Variants in GPHN observed in about 807,000 individuals in gnomAD.
The protein encoded by GPHN is gephyrin.
A neutral mutation model predicts 95.5 loss-of-function variants in GPHN; 17 were observed. The ratio of observed to expected loss-of-function variants is 0.18; its 90% CI spans 0.12 to 0.27. GPHN has a LOEUF of 0.27. GPHN is among the 10% of genes least tolerant of loss of function. The pLI is 1.00. For synonymous variants in GPHN, 320 were observed against 322.5 expected, an observed-to-expected ratio of 0.99 and a Z score of 0.08; for missense variants, 660 against 978.1, an observed-to-expected ratio of 0.67 and a Z score of 4.34.
the GPHN span, chr14:67,557,438 G>A: frequency 1.2e-5 from 19 of 1,609,080 alleles, no homozygotes; most frequent in South Asian, 2.0e-4. Flanking sequence ...CATGCGCAAG[G>A]GAGCACCATG....
the GPHN span, among the ~76,000 whole-genome samples, chr14:67,504,629 G>A: frequency 6.6e-6 from 1 of 152,178 alleles, no homozygotes; most frequent in Non-Finnish European, 1.5e-5. Context: ...GCTCACACCT[G>A]TAATCCCAGC....
At chr14:67,106,386 G>C (rs1222774921) in intron 13 of GPHN, among the ~76,000 whole-genome samples, 1 of 152,066 alleles carries the variant, frequency 6.6e-6, no homozygotes, top group Non-Finnish European at 1.5e-5. Context: ...TATTAAATAA[G>C]TTTCTTATGC....
chr14:67,246,985 A>G, the GPHN span, among the ~76,000 whole-genome samples: 1 of 152,166 alleles, frequency 6.6e-6, no homozygotes, highest in African/African-American at 2.4e-5. Flanking sequence ...ACATTAGGTA[A>G]TGTGACTCTT....
the GPHN span, among the ~76,000 whole-genome samples, chr14:67,563,284 G>A: frequency 1.3e-5 from 2 of 152,230 alleles, no homozygotes; most frequent in Non-Finnish European, 2.9e-5. Flanking sequence ...CTGAACCTCT[G>A]TGCCTCAGCT....
chr14:66,673,688 C>T (rs142503165), intron 1 of GPHN, among the ~76,000 whole-genome samples: 26 of 152,248 alleles, frequency 1.7e-4, no homozygotes, highest in African/African-American at 4.3e-4. Flanking sequence ...TCTTCTCTAA[C>T]GCACTTTATT....
intron 10 of GPHN, among the ~76,000 whole-genome samples, chr14:67,042,072 T>C (rs1242753133): frequency 6.6e-6 from 1 of 152,052 alleles, no homozygotes; most frequent in African/African-American, 2.4e-5. Context: ...TTTTTTTTTT[T>C]CTTGTAAATT....
chr14:67,152,975 AG>A (rs1567414914), intron 18 of GPHN, among the ~76,000 whole-genome samples: 3 of 151,132 alleles, frequency 2.0e-5, no homozygotes, highest in Admixed American at 1.3e-4. Flanking sequence ...AAAAAAAAAA[AG>A]GTTCACTGTC....
At chr14:67,132,252 C>T (rs1362087803) in intron 17 of GPHN, among the ~76,000 whole-genome samples, 1 of 152,202 alleles carries the variant, frequency 6.6e-6, no homozygotes, top group East Asian at 1.9e-4. Context: ...TGCCTTACAA[C>T]TTCCAATTTG....
the GPHN span, among the ~76,000 whole-genome samples, chr14:67,604,878 C>G: frequency 3.1e-4 from 47 of 152,226 alleles, no homozygotes; most frequent in Non-Finnish European, 4.6e-4. Context: ...ACCCTTCCCC[C>G]CTAATTGAGA....
At chr14:67,111,471 A>C (rs1293427784) in intron 14 of GPHN, among the ~76,000 whole-genome samples, 1 of 152,202 alleles carries the variant, frequency 6.6e-6, no homozygotes, top group Non-Finnish European at 1.5e-5. Flanking sequence ...CCCATGATTC[A>C]TGGGAAAAGA....
intron 1 of GPHN, among the ~76,000 whole-genome samples, chr14:66,591,768 C>G (rs2061659322): frequency 6.6e-6 from 1 of 152,196 alleles, no homozygotes; most frequent in African/African-American, 2.4e-5. Flanking sequence ...CCCAATCAAG[C>G]TACCATTAAC....
At chr14:66,985,379 AGCCAAAT>A (rs1434323172) in intron 9 of GPHN, among the ~76,000 whole-genome samples, 1 of 152,184 alleles carries the variant, frequency 6.6e-6, no homozygotes, top group Non-Finnish European at 1.5e-5. Context: ...GTTTTTTGTA[AGCCAAAT>A]GCAAATGTAA....
At chr14:66,761,745 C>T (rs1377092526) in intron 2 of GPHN, among the ~76,000 whole-genome samples, 3 of 151,634 alleles carry the variant, frequency 2.0e-5, no homozygotes, top group East Asian at 1.9e-4. Context: ...CTGCAAGCTC[C>T]GCCTCCTGGG....
the GPHN span, among the ~76,000 whole-genome samples, chr14:67,416,354 A>G: frequency 6.6e-6 from 1 of 152,178 alleles, no homozygotes; most frequent in Non-Finnish European, 1.5e-5. Context: ...CTCAGAACTG[A>G]GAAGTTGCTG....
intron 3 of GPHN, among the ~76,000 whole-genome samples, chr14:66,796,876 TACTC>T (rs1290825249): frequency 2.0e-5 from 3 of 152,058 alleles, no homozygotes; most frequent in African/African-American, 7.2e-5. Flanking sequence ...TGTGGAGTGT[TACTC>T]AAGAAATCTT....
At chr14:67,361,006 A>G in the GPHN span, among the ~76,000 whole-genome samples, 2,878 of 152,220 alleles carry the variant, frequency 0.019, 37 homozygotes, top group Middle Eastern at 0.034. Context: ...CACCCCTTGA[A>G]CCAAAACTAA....
At chr14:66,613,699 TAGATATTAGTATTCACAAA>T (rs2062878732) in intron 1 of GPHN, among the ~76,000 whole-genome samples, 1 of 152,142 alleles carries the variant, frequency 6.6e-6, no homozygotes, top group Non-Finnish European at 1.5e-5. Flanking sequence ...TTTTCTTGGA[TAGATATTAGTATTCACAAA>T]TGTGCAATCT....
chr14:67,323,232 C>CATGTGTGTATGTGTGTATGTGTGTGT, the GPHN span, among the ~76,000 whole-genome samples: 1 of 143,592 alleles, frequency 7.0e-6, no homozygotes, highest in Non-Finnish European at 1.5e-5. Context: ...CATATATACA[C>CATGTGTGTATGTGTGTATGTGTGTGT]GTGTGTGTGT....
intron 2 of GPHN, among the ~76,000 whole-genome samples, chr14:66,755,459 G>A (rs763602265): frequency 2.0e-5 from 3 of 152,042 alleles, no homozygotes; most frequent in Non-Finnish European, 4.4e-5. Context: ...TTCCTCAGAA[G>A]TCATTTAAAG....
Sources: gnomAD v4.1 joint callset for allele counts (sites outside exome capture counted in the v4.1 genomes callset) on GRCh38, gnomAD v4.1.1 for gene constraint, MANE v1.5 for transcripts, NCBI Gene and HGNC (gene_info 2026-07-23, HGNC 2026-07-21) for gene names.